The following CATSPERT variants were observed in gnomAD, a reference collection of about 807,000 sequenced individuals.
The protein encoded by CATSPERT is cation channel sperm-associated targeting subunit tau.
the CATSPERT span, among the ~76,000 whole-genome samples, chr2:201,525,766 CA>C: frequency 2.0e-5 from 3 of 152,008 alleles, no homozygotes; most frequent in African/African-American, 7.2e-5. Flanking sequence ...TAAACACAAT[CA>C]GAAATGACAA....
the CATSPERT span, among the ~76,000 whole-genome samples, chr2:201,576,752 A>G: frequency 1.3e-5 from 2 of 152,308 alleles, no homozygotes; most frequent in African/African-American, 4.8e-5. Context: ...TGTGATTGAA[A>G]TAGCATTAAT....
chr2:201,491,258 G>C, the CATSPERT span: 1 of 1,537,920 alleles, frequency 6.5e-7, no homozygotes. Context: ...GTGGTTGGTA[G>C]TATCCTGACT....
the CATSPERT span, chr2:201,550,932 C>T: frequency 6.6e-6 from 1 of 152,170 alleles, no homozygotes; most frequent in East Asian, 1.9e-4. Flanking sequence ...TATCCCTCTA[C>T]TAGTAATTAT....
chr2:201,537,255 A>G, the CATSPERT span, among the ~76,000 whole-genome samples: 1 of 151,864 alleles, frequency 6.6e-6, no homozygotes, highest in African/African-American at 2.4e-5. Flanking sequence ...AAATGTTACT[A>G]TTTTATGCAG....
chr2:201,492,207 C>T, the CATSPERT span: 1 of 1,520,400 alleles, frequency 6.6e-7, no homozygotes, highest in Admixed American at 2.2e-5. Context: ...CTGAATGCTT[C>T]TCCACAAAGT....
At chr2:201,525,574 G>A in the CATSPERT span, among the ~76,000 whole-genome samples, 11 of 151,888 alleles carry the variant, frequency 7.2e-5, no homozygotes, top group Admixed American at 2.0e-4. Flanking sequence ...AAAATTAGAG[G>A]AAATCAACAA....
chr2:201,531,542 G>T, the CATSPERT span, among the ~76,000 whole-genome samples: 1 of 152,092 alleles, frequency 6.6e-6, no homozygotes, highest in East Asian at 1.9e-4. Flanking sequence ...AGAATACTAG[G>T]GATGGAGGAG....
the CATSPERT span, among the ~76,000 whole-genome samples, chr2:201,521,949 A>G: frequency 1.3e-5 from 2 of 152,220 alleles, no homozygotes; most frequent in African/African-American, 4.8e-5. Flanking sequence ...CCTTTATGAT[A>G]AAAACTCTTA....
At chr2:201,517,527 A>C in the CATSPERT span, among the ~76,000 whole-genome samples, 1 of 152,220 alleles carries the variant, frequency 6.6e-6, no homozygotes, top group East Asian at 1.9e-4. Flanking sequence ...CAAGCTGTCA[A>C]GTTATCCTGC....
chr2:201,574,291 A>C, the CATSPERT span: 1 of 1,591,380 alleles, frequency 6.3e-7, no homozygotes, highest in Admixed American at 1.8e-5. Flanking sequence ...AACATGTGAT[A>C]AATTTTATTG....
At chr2:201,570,282 T>C in the CATSPERT span, among the ~76,000 whole-genome samples, 16 of 152,238 alleles carry the variant, frequency 1.1e-4, no homozygotes, top group East Asian at 2.9e-3. Context: ...TTAATATCCA[T>C]CCCTATACAT....
At chr2:201,495,557 A>G in the CATSPERT span, among the ~76,000 whole-genome samples, 1 of 152,174 alleles carries the variant, frequency 6.6e-6, no homozygotes, top group Non-Finnish European at 1.5e-5. Context: ...ATGTGAAAGA[A>G]TCAGCCTAGT....
the CATSPERT span, among the ~76,000 whole-genome samples, chr2:201,596,757 C>T: frequency 3.3e-5 from 5 of 152,260 alleles, no homozygotes; most frequent in Admixed American, 2.0e-4. Context: ...TTCCAGAATG[C>T]TTTTAAGTCC....
At chr2:201,531,907 G>T in the CATSPERT span, among the ~76,000 whole-genome samples, 1 of 152,216 alleles carries the variant, frequency 6.6e-6, no homozygotes, top group Non-Finnish European at 1.5e-5. Context: ...GAAGAATACT[G>T]ATCAGAGGAG....
At chr2:201,543,285 G>A in the CATSPERT span, among the ~76,000 whole-genome samples, 2 of 152,106 alleles carry the variant, frequency 1.3e-5, no homozygotes, top group Admixed American at 6.5e-5. Context: ...ATCAGAACGT[G>A]TGATACCTCC....
chr2:201,615,099 T>C, the CATSPERT span, among the ~76,000 whole-genome samples: 1 of 152,176 alleles, frequency 6.6e-6, no homozygotes, highest in African/African-American at 2.4e-5. Context: ...TCCCACACAA[T>C]AATAATGGGA....
chr2:201,563,243 C>T, the CATSPERT span, among the ~76,000 whole-genome samples: 134 of 139,226 alleles, frequency 9.6e-4, 1 homozygote, highest in African/African-American at 3.6e-3. Flanking sequence ...CAGAGGGGCT[C>T]CTCACTTCCC....
At chr2:201,521,930 T>C in the CATSPERT span, among the ~76,000 whole-genome samples, 2 of 152,136 alleles carry the variant, frequency 1.3e-5, no homozygotes, top group Non-Finnish European at 2.9e-5. Context: ...TTTGATAAAA[T>C]TCAACATCCC....
chr2:201,493,211 C>G, the CATSPERT span: 3 of 1,535,524 alleles, frequency 2.0e-6, no homozygotes, highest in Non-Finnish European at 2.6e-6. Context: ...GAACTGAGAT[C>G]ATTTTTGTCT....
Sources: allele counts gnomAD v4.1 joint callset (sites outside exome capture counted in the v4.1 genomes callset), GRCh38; gene constraint gnomAD v4.1.1; transcripts MANE v1.5; gene names NCBI Gene and HGNC (gene_info 2026-07-23, HGNC 2026-07-21).